PEX26: variants seen among roughly 807,000 people sequenced by gnomAD.
The protein encoded by PEX26 is peroxisomal biogenesis factor 26, also known as peroxisome assembly protein 26.
PEX26 carries 18 observed loss-of-function variants against 31.4 expected under a neutral mutation model. That is an observed-to-expected ratio of 0.57 (90% CI 0.40 to 0.85). The LOEUF is 0.85. Among genes scored for constraint, PEX26 ranks in the 40% least tolerant of loss-of-function variants. The probability of loss-of-function intolerance (pLI) is 0.00; values close to 1 mark genes in which losing one functional copy is unlikely to be tolerated. For synonymous variants in PEX26, 176 were observed against 166.9 expected (o/e 1.05, Z -0.42); for missense variants, 377 against 383.9 (o/e 0.98, Z 0.15).
In PEX26 at chr22:18,091,909, G is replaced by A. The variant is rs959518772; in HGVS notation, c.*3834G>A. 3.9e-5 allele frequency: 6 copies of A among 152,444 alleles called. No individual in the cohort carries two copies. Among genetic ancestry groups the A allele is most frequent in the African/African-American group, 1.2e-4 (5 of 41,564 alleles). 9.4% of individuals were successfully genotyped at this position (152,444 alleles called of 1,614,324 possible). A position where few individuals can be genotyped will look rare whatever the true frequency, so the allele number is the denominator to read the frequency against. ...CAGGCTGGCAACCACCACTGCCGCC[G>A]AGGGGAGATACAAGCAGGCCAGTTC... On this transcript the variant is annotated 3_prime_UTR_variant, in exon 5 of 5. Coordinates refer to ENST00000399744, the MANE Select transcript of PEX26 (RefSeq NM_001127649.3).
Position 18,078,039 on chromosome 22 carries a change from G to T in PEX26, c.-338G>T. The T allele has an allele frequency of 6.0e-6, 3 of 499,554 alleles. No homozygotes were observed. The highest frequency in any genetic ancestry group is 4.6e-5 in the South Asian group (3 of 64,660). The allele number at this position is 499,554 out of a possible 1,614,324, so 30.9% of individuals were successfully genotyped here. ...GCAAAGATGTCCGCGCCCGCTGCCG[G>T]GAGGCGAGGTGAGTCTTTGATCGTA... On this transcript the variant is annotated 5_prime_UTR_variant, in exon 1 of 5. Transcript: ENST00000399744.
In PEX26 at chr22:18,078,457, G is replaced by T; in HGVS notation, c.81G>T (p.Ala27=). 6.3e-7 allele frequency: 1 copy of T among 1,577,206 alleles called. No individual in the cohort carries two copies. The highest frequency in any genetic ancestry group is 2.3e-5 in the East Asian group (1 of 43,442). ...TGCGCAGCAGCGAGCCGGTGCGCGC[G>T]GTCCCGGCCCGGGCGCCGGCCGTGG... ...GPLRSSEPVR[A]VPARAPAVDL... The change falls in exon 1 of 5, where the codon GCG becomes GCT. Residue 27 remains alanine, a synonymous_variant. Coordinates refer to ENST00000399744, the MANE Select transcript of PEX26 (RefSeq NM_001127649.3).
At chr22:18,082,089 G>A (rs1926640813) in intron 2 of PEX26, among the ~76,000 whole-genome samples, 1 of 125,490 alleles carries the variant, frequency 8.0e-6, no homozygotes, top group South Asian at 2.7e-4. Context: ...CTGCTGTTAA[G>A]TTCCTGATAT....
chr22:18,078,752 C>A (rs1926418350), intron 1 of PEX26, 146 bp downstream of exon 1: 1 of 789,022 alleles, frequency 1.3e-6, no homozygotes, highest in Non-Finnish European at 2.2e-6. Flanking sequence ...AGGGTGGTCG[C>A]TCATCGTGTG....
Position 18,083,635 on chromosome 22 carries a change from GC to G in PEX26, c.571del (p.Arg191GlyfsTer54). ...TGGGCTCTGCAGCCTTTGGTGAGGA[GC>G]GGCGACTGGATGTACTTCAGGCCAT... The part of the protein sequence containing the change: ...VVGSAAFGEE[R>X]RLDVLQAIHT... On this transcript the variant is annotated frameshift_variant, in exon 3 of 5. Coordinates refer to ENST00000399744, the MANE Select transcript of PEX26 (RefSeq NM_001127649.3). LOFTEE classifies it high-confidence loss of function. 2 of 1,614,132 alleles carry G rather than the reference GC, an allele frequency of 1.2e-6. No individual in the cohort carries two copies. Among genetic ancestry groups the G allele is most frequent in the Non-Finnish European group, 1.7e-6 (2 of 1,180,028 alleles).
At chr22:18,086,108 G>A (rs1401524270) in intron 4 of PEX26, among the ~76,000 whole-genome samples, 3 of 152,044 alleles carry the variant, frequency 2.0e-5, no homozygotes, top group South Asian at 2.1e-4. Flanking sequence ...GAACAGCCTG[G>A]CCAATATGGT....
chr22:18,079,072 C>T (rs891260832), intron 1 of PEX26: 2 of 240,568 alleles, frequency 8.3e-6, no homozygotes, highest in Non-Finnish European at 1.3e-5. Context: ...CTGGGGCTTA[C>T]GCCTGTAATC....
In PEX26 at chr22:18,078,588, C is replaced by T; in HGVS notation, c.212C>T (p.Ala71Val). 6.2e-7 allele frequency: 1 copy of T among 1,600,292 alleles called. No homozygotes were observed. Among genetic ancestry groups the T allele is most frequent in the East Asian group, 2.3e-5 (1 of 44,312 alleles). Residue 71 changes from alanine (A) to valine (V), a missense_variant, in exon 1 of 5, where the codon GCA (alanine) becomes GTA (valine). Transcript: ENST00000399744. ...AWQSLANHAV[A>V]EEPAGTSLEV... ...CAGAGTCTGGCCAACCACGCCGTGG[C>T]AGAGGAACCCGCGGGCACGTACGTG...
Position 18,093,747 on chromosome 22 carries a change from C to T in PEX26, c.*5672C>T, listed in dbSNP as rs1320129370. On this transcript the variant is annotated 3_prime_UTR_variant, in exon 5 of 5. Transcript: ENST00000399744. ...AGAAAAGAGATGCCCCGGGTACGAC[C>T]CCATTTCTATTAAAAATAAATGTAA... 6.6e-6 allele frequency: 1 copy of T among 152,160 alleles called. No individual in the cohort carries two copies. Among genetic ancestry groups the T allele is most frequent in the Non-Finnish European group, 1.5e-5 (1 of 68,046 alleles). 9.4% of individuals were successfully genotyped at this position (152,160 alleles called of 1,614,324 possible).
chr22:18,080,001 G>A lies in PEX26; in HGVS notation c.358G>A (p.Val120Ile). 1.2e-6 allele frequency: 2 copies of A among 1,614,154 alleles called. No homozygotes were observed. Among genetic ancestry groups the A allele is most frequent in the Non-Finnish European group, 1.7e-6 (2 of 1,180,028 alleles). The part of the protein sequence containing the change: ...YQVPEKLPPK[V>I]LELCILLYSK... Reference sequence around the variant, plus strand: ...GGTCCCTGAAAAGCTACCCCCCAAAGTCCTGGAGCTGTGGTAAGTCTTCTT... The same window carrying A: ...GGTCCCTGAAAAGCTACCCCCCAAAATCCTGGAGCTGTGGTAAGTCTTCTT... The change falls in exon 2 of 5, where the codon GTC becomes ATC. Residue 120 changes from valine (V) to isoleucine (I), a missense_variant. Physicochemically the swap from Val to Ile is conservative, Grantham distance 29 (BLOSUM62 3). Transcript: ENST00000399744.
intron 3 of PEX26, among the ~76,000 whole-genome samples, chr22:18,084,237 C>CTTTTTTTTTTTTTTTTTTTT (rs362041): frequency 3.1e-5 from 3 of 95,322 alleles, no homozygotes; most frequent in Non-Finnish European, 2.1e-5. Flanking sequence ...ATCTCTCTCT[C>CTTTTTTTTTTTTTTTTTTTT]TTTTTTTTTT....
At chr22:18,083,351 G>A in intron 2 of PEX26, 86 bp from the exon 3 acceptor site, 4 of 1,373,332 alleles carry the variant, frequency 2.9e-6, no homozygotes, top group Non-Finnish European at 3.1e-6. Context: ...GGGCTGGATA[G>A]GAGAAGCATA....
At position 18,085,267 on chromosome 22, in the gene PEX26, T is replaced by TGG. The variant is rs1926797373; in HGVS notation, c.814+10_814+11dup. 2 of 1,613,706 alleles carry TGG rather than the reference T, an allele frequency of 1.2e-6. No homozygotes were observed. The highest frequency in any genetic ancestry group is 1.7e-6 in the Non-Finnish European group (2 of 1,179,850). The stretch of plus-strand genomic sequence containing the variant: ...GGTGAGATTTGATCCAGGTAAGAGG[T>TGG]GGAGACTCTCCCCTGTCCTTCCTGG... On this transcript the variant is annotated intron_variant, in intron 4 of 4. Coordinates refer to ENST00000399744, the MANE Select transcript of PEX26 (RefSeq NM_001127649.3).
rs2123676073 is a variant in PEX26, at chr22:18,097,697, T to G, written c.*9622T>G. The G allele has an allele frequency of 6.6e-6, 1 of 151,348 alleles. No individual in the cohort carries two copies. The highest frequency in any genetic ancestry group is 1.5e-5 in the Non-Finnish European group (1 of 67,516). 9.4% of individuals were successfully genotyped at this position (151,348 alleles called of 1,614,324 possible). A position where few individuals can be genotyped will look rare whatever the true frequency, so the allele number is the denominator to read the frequency against. On this transcript the variant is annotated 3_prime_UTR_variant, in exon 5 of 5. Transcript: ENST00000399744. Reference sequence around the variant, plus strand: ...TAGTATATTATGTACTCTGTTTTATTCCTTCCTTTTTTTTTCTTATAAAAA... The same window carrying G: ...TAGTATATTATGTACTCTGTTTTATGCCTTCCTTTTTTTTTCTTATAAAAA...
At chr22:18,083,954 G>C (rs921363826) in intron 3 of PEX26, among the ~76,000 whole-genome samples, 1 of 152,188 alleles carries the variant, frequency 6.6e-6, no homozygotes, top group Non-Finnish European at 1.5e-5. Flanking sequence ...GGTGTTGCTG[G>C]GTCTTGGGAC....
Position 18,088,319 on chromosome 22 carries a change from C to G in PEX26, c.*244C>G. ...CCTCCAGAACAGTGCCCCGGATGAC[C>G]AGAGGCCCCTTGAAAAGGAGGGGTT... On this transcript the variant is annotated 3_prime_UTR_variant, in exon 5 of 5. Transcript: ENST00000399744. The surrounding 1 kb of genome is among the most constrained non-coding windows in gnomAD (Gnocchi z 4.1). The G allele has an allele frequency of 1.6e-6, 1 of 633,954 alleles. No homozygotes were observed. The highest frequency in any genetic ancestry group is 1.6e-5 in the South Asian group (1 of 62,208). The allele number at this position is 633,954 out of a possible 1,614,324, so 39.3% of individuals were successfully genotyped here. A position where few individuals can be genotyped will look rare whatever the true frequency, so the allele number is the denominator to read the frequency against.
chr22:18,085,916 T>C (rs908386405), intron 4 of PEX26, among the ~76,000 whole-genome samples: 3 of 152,036 alleles, frequency 2.0e-5, no homozygotes, highest in African/African-American at 7.2e-5. Context: ...CATCAGAATA[T>C]CTACAAAAGT....
At position 18,083,774 on chromosome 22, in the gene PEX26, C is replaced by T. The variant is rs532616456; in HGVS notation, c.667+42C>T. On this transcript the variant is annotated intron_variant, in intron 3 of 4. Coordinates refer to ENST00000399744, the MANE Select transcript of PEX26 (RefSeq NM_001127649.3). ...CTGCGACCTCTGTAAAGTGGACTTG[C>T]GGGCTTGCACTGTACCTCGGGGTCT... The T allele has an allele frequency of 3.1e-5, 49 of 1,584,800 alleles. No individual in the cohort carries two copies. In the Middle Eastern group the frequency reaches 6.0e-4, roughly 19 times the overall value.
In PEX26 at chr22:18,085,206, G is replaced by C; in HGVS notation, c.762G>C (p.Lys254Asn). The C allele has an allele frequency of 6.2e-7, 1 of 1,614,144 alleles. No homozygotes were observed. The highest frequency in any genetic ancestry group is 8.5e-7 in the Non-Finnish European group (1 of 1,180,016). ...ACTTCTTTTCTCTGCCCTTCAAAAA[G>C]AGTCTCCTGGCTGCCTTGATCCTCT... is the stretch of plus-strand genomic sequence containing the variant. Reference protein sequence around the residue: ...VSHFFSLPFKKSLLAALILCL... With the variant: ...VSHFFSLPFKNSLLAALILCL... Residue 254 changes from lysine to asparagine, a missense_variant, in exon 4 of 5, where the codon AAG becomes AAC. By Grantham distance (94) the Lys-to-Asn change is moderately conservative. Coordinates refer to ENST00000399744, the MANE Select transcript of PEX26 (RefSeq NM_001127649.3).
Sources: allele counts gnomAD v4.1 joint callset (sites outside exome capture counted in the v4.1 genomes callset), GRCh38; gene constraint gnomAD v4.1.1; non-coding constraint Gnocchi (gnomAD v3.1); transcripts MANE v1.5; gene names NCBI Gene and HGNC (gene_info 2026-07-23, HGNC 2026-07-21).